PRMT8: variants seen among roughly 807,000 people sequenced by gnomAD.
The protein encoded by PRMT8 is protein arginine N-methyltransferase 8.
Under a neutral mutation model 47.1 loss-of-function variants are expected in PRMT8, and 7 were observed. The observed-to-expected ratio is 0.15, with a 90% confidence interval of 0.08 to 0.28. PRMT8 has a LOEUF of 0.28. Among genes scored for constraint, PRMT8 ranks in the 10% least tolerant of loss-of-function variants. The pLI is 1.00. For synonymous variants in PRMT8, 188 were observed against 186.5 expected (o/e 1.01, Z -0.07); for missense variants, 237 against 505.4 (o/e 0.47, Z 5.09).
chr12:3,421,558 G>C (rs897578629), intron 1 of PRMT8, among the ~76,000 whole-genome samples: 1 of 152,148 alleles, frequency 6.6e-6, no homozygotes, highest in African/African-American at 2.4e-5. Flanking sequence ...TAAAAGACAC[G>C]GTTTTCATAT....
chr12:3,392,888 T>C (rs1483657812), intron 1 of PRMT8, among the ~76,000 whole-genome samples: 2 of 152,230 alleles, frequency 1.3e-5, no homozygotes, highest in Non-Finnish European at 2.9e-5. Flanking sequence ...TTCCTGACTT[T>C]TTAATGATCG....
chr12:3,497,922 G>A (rs529126715), intron 1 of PRMT8, among the ~76,000 whole-genome samples: 7 of 152,314 alleles, frequency 4.6e-5, no homozygotes, highest in African/African-American at 1.2e-4. Flanking sequence ...GAGCTCTTCC[G>A]TGTTGGGGTC....
rs1435533752 is a variant in PRMT8, at chr12:3,568,768, A to G, written c.544A>G (p.Ile182Val). 6 of 1,614,076 alleles carry G rather than the reference A, an allele frequency of 3.7e-6. No homozygotes were observed. The highest frequency in any genetic ancestry group is 5.1e-6 in the Non-Finnish European group (6 of 1,180,042). Reference protein sequence around the residue: ...VELPVEKVDIIISEWMGYCLF... With the variant: ...VELPVEKVDIVISEWMGYCLF... ...GCTGCCTGTGGAGAAGGTGGACATC[A>G]TCATCAGCGAGTGGATGGGCTACTG... is the stretch of plus-strand genomic sequence containing the variant. Residue 182 changes from isoleucine (I) to valine (V), a missense_variant, in exon 5 of 10, where the codon ATC (isoleucine) becomes GTC (valine). Physicochemically the swap from Ile to Val is conservative, Grantham distance 29 (BLOSUM62 3). This residue lies in a region of PRMT8 where 151 missense variants were observed against 341.1 expected (regional missense o/e 0.44). Transcript: ENST00000382622.
chr12:3,423,116 G>T (rs1261845558), intron 1 of PRMT8, among the ~76,000 whole-genome samples: 11 of 152,294 alleles, frequency 7.2e-5, no homozygotes, highest in Admixed American at 6.5e-4. Context: ...CATGGCCCCA[G>T]GATCAAATCC....
Position 3,498,512 on chromosome 12 carries a change from G to A in PRMT8, c.75+6812G>A, listed in dbSNP as rs538314411. On this transcript the variant is annotated intron_variant, in intron 1 of 9. Transcript: ENST00000382622. Reference sequence around the variant, plus strand: ...CTTTCACAGTCTCCAGTACTGTGCCGTGTGAGTGACAGGGGCCTGACATAA... The same window carrying A: ...CTTTCACAGTCTCCAGTACTGTGCCATGTGAGTGACAGGGGCCTGACATAA... 1.4e-4 allele frequency among the ~76,000 whole-genome samples: 22 copies of A among 152,264 alleles called. No homozygotes were observed. The South Asian group carries it at 4.1e-3, about 29-fold the overall frequency.
chr12:3,462,132 G>T (rs1190852650), intron 1 of PRMT8, among the ~76,000 whole-genome samples: 1 of 151,984 alleles, frequency 6.6e-6, no homozygotes, highest in African/African-American at 2.4e-5. Context: ...TTATAAGTGA[G>T]AACTTGCGGT....
chr12:3,439,396 C>T (rs751018792), intron 1 of PRMT8, among the ~76,000 whole-genome samples: 1 of 152,094 alleles, frequency 6.6e-6, no homozygotes, highest in Non-Finnish European at 1.5e-5. Flanking sequence ...TCATGTTACA[C>T]CTTGGGAAAG....
At position 3,538,600 on chromosome 12, in the gene PRMT8, C is replaced by T. The variant is rs3741938; in HGVS notation, c.76-2006C>T. The T allele has an allele frequency of 0.26, 135,580 of 518,502 alleles. 19,221 individuals are homozygous for T. The highest frequency in any genetic ancestry group is 0.54 in the East Asian group (9,908 of 18,318). The allele number at this position is 518,502 out of a possible 1,614,324, so 32.1% of individuals were successfully genotyped here. On this transcript the variant is annotated intron_variant, in intron 1 of 9. Transcript: ENST00000382622. This position sits in a 1 kb window ranked among gnomAD's most constrained non-coding sequence, Gnocchi z 4.6. ...GTGCTGGAGGCCCCTGTGACCTTGA[C>T]CATGCACAATGCCCAGACCAGCTCC...
Position 3,540,623 on chromosome 12 carries a change from C to A in PRMT8, c.93C>A (p.Ser31=). ...CCCCTCAGGTGAACAGCCCCCCCTC[C>A]CAGCCCCCCCAGCCCGTCGTCCCTG... ...AESTEVNSPP[S]QPPQPVVPAK... Residue 31 remains serine (S), a synonymous_variant, in exon 2 of 10, where the codon TCC becomes TCA. Transcript: ENST00000382622. 3 of 959,284 alleles carry A rather than the reference C, an allele frequency of 3.1e-6. No individual in the cohort carries two copies. The highest frequency in any genetic ancestry group is 4.9e-6 in the Non-Finnish European group (3 of 615,376). The allele number at this position is 959,284 out of a possible 1,614,324, so 59.4% of individuals were successfully genotyped here.
chr12:3,471,559 AC>A (rs1591560169), intron 1 of PRMT8, among the ~76,000 whole-genome samples: 2 of 147,708 alleles, frequency 1.4e-5, no homozygotes, highest in African/African-American at 5.0e-5. Flanking sequence ...CTCCTCAGTC[AC>A]CCCCCCTTGG....
chr12:3,414,255 C>A (rs1304174380), intron 1 of PRMT8, among the ~76,000 whole-genome samples: 1 of 152,138 alleles, frequency 6.6e-6, no homozygotes, highest in Non-Finnish European at 1.5e-5. Context: ...AATAACAAAC[C>A]TGGATTCTTC....
At chr12:3,544,261 G>T (rs1375907392) in intron 2 of PRMT8, among the ~76,000 whole-genome samples, 9 of 152,100 alleles carry the variant, frequency 5.9e-5, no homozygotes, top group Non-Finnish European at 1.2e-4. Flanking sequence ...TCTTCTTTTG[G>T]CAAGTCAGGT....
rs1009482329 is a variant in PRMT8, at chr12:3,492,952, C to T, written c.75+1252C>T. On this transcript the variant is annotated intron_variant, in intron 1 of 9. Transcript: ENST00000382622. The surrounding 1 kb of genome is among the most constrained non-coding windows in gnomAD (Gnocchi z 7.5). ...CGCGGGGATTGTCCCTCTGTCTTGC[C>T]GGAATGCAAAAAGGTAGAGAGACCC... 2.4e-4 allele frequency among the ~76,000 whole-genome samples: 37 copies of T among 152,042 alleles called. No homozygotes were observed. The highest frequency in any genetic ancestry group is 5.9e-5 in the Non-Finnish European group (4 of 67,998).
chr12:3,404,433 G>A (rs1009878175), intron 1 of PRMT8, among the ~76,000 whole-genome samples: 1 of 152,156 alleles, frequency 6.6e-6, no homozygotes, highest in Non-Finnish European at 1.5e-5. Flanking sequence ...GGCTCAATGA[G>A]TTATCGCTAA....
chr12:3,490,003 T>C (rs1255276244), upstream of PRMT8, among the ~76,000 whole-genome samples: 1 of 152,152 alleles, frequency 6.6e-6, no homozygotes, highest in African/African-American at 2.4e-5. Flanking sequence ...TGAGAATGAT[T>C]CTAGACCTTT....
chr12:3,423,850 G>C (rs1033110296), intron 1 of PRMT8, among the ~76,000 whole-genome samples: 1 of 152,104 alleles, frequency 6.6e-6, no homozygotes, highest in Admixed American at 6.6e-5. Context: ...TATGGGGTGA[G>C]TGAATTCTTT....
intron 2 of PRMT8, among the ~76,000 whole-genome samples, chr12:3,545,220 CACAA>C (rs2137170594): frequency 6.6e-6 from 1 of 152,296 alleles, no homozygotes; most frequent in East Asian, 1.9e-4. Flanking sequence ...TCAGAGAGCT[CACAA>C]ACAGTGGAGG....
chr12:3,494,038 CA>C lies in PRMT8; in HGVS notation c.75+2339del, dbSNP rs1020010688. Among the ~76,000 whole-genome samples the C allele has an allele frequency of 5.4e-4, 83 of 152,352 alleles. 1 individual carries two copies. Among genetic ancestry groups the C allele is most frequent in the African/African-American group, 1.7e-3 (71 of 41,586 alleles). The stretch of plus-strand genomic sequence containing the variant: ...TTTTTGGAATAAGCCAGGACTAGAG[CA>C]GCACTTCCAAAAGTGGGGTGTTGTG... On this transcript the variant is annotated intron_variant, in intron 1 of 9. Transcript: ENST00000382622.
At chr12:3,432,051 G>A (rs1864685666) in intron 1 of PRMT8, among the ~76,000 whole-genome samples, 1 of 152,298 alleles carries the variant, frequency 6.6e-6, no homozygotes, top group Middle Eastern at 3.4e-3. Flanking sequence ...TGTGGGGCAA[G>A]TGCCCCCAAG....
Sources: allele counts gnomAD v4.1 joint callset (sites outside exome capture counted in the v4.1 genomes callset), GRCh38; gene constraint gnomAD v4.1.1; regional missense constraint gnomAD v4.1.1; non-coding constraint Gnocchi (gnomAD v3.1); transcripts MANE v1.5; gene names NCBI Gene and HGNC (gene_info 2026-07-23, HGNC 2026-07-21).